The following PCDH15 variants were observed in gnomAD, a reference collection of about 807,000 sequenced individuals.
PCDH15 encodes protocadherin-15.
In PCDH15, 129 loss-of-function variants were observed where a neutral mutation model predicts 178.5. That is an observed-to-expected ratio of 0.72 (90% confidence interval 0.63 to 0.84). The LOEUF is 0.84. Ranked by LOEUF, PCDH15 falls within the 40% of genes least tolerant of loss-of-function variation. The pLI is 0.00. For synonymous variants in PCDH15, 800 were observed against 732.0 expected, an observed-to-expected ratio of 1.09 and a Z score of -1.50; for missense variants, 2,230 against 2,099.9, an observed-to-expected ratio of 1.06 and a Z score of -1.21.
intron 1 of PCDH15, among the ~76,000 whole-genome samples, chr10:55,306,714 G>A (rs1843434894): frequency 6.6e-6 from 1 of 152,190 alleles, no homozygotes; most frequent in Non-Finnish European, 1.5e-5. Context: ...GATTGCCACA[G>A]GGGCAGAGTA....
At chr10:55,448,520 T>A (rs1168598060) in intron 2 of PCDH15, among the ~76,000 whole-genome samples, 5 of 151,764 alleles carry the variant, frequency 3.3e-5, no homozygotes, top group Non-Finnish European at 7.4e-5. Context: ...AAAACACAAT[T>A]TTTTTCAGTA....
At chr10:54,864,343 A>C (rs1350853016) in intron 3 of PCDH15, among the ~76,000 whole-genome samples, 3 of 152,156 alleles carry the variant, frequency 2.0e-5, no homozygotes, top group African/African-American at 7.2e-5. Flanking sequence ...CTCTTTTTTC[A>C]TTATGTTTCA....
At chr10:53,998,357 A>C (rs1157663802) in intron 20 of PCDH15, among the ~76,000 whole-genome samples, 1 of 152,216 alleles carries the variant, frequency 6.6e-6, no homozygotes, top group African/African-American at 2.4e-5. Flanking sequence ...AACTTTAAAA[A>C]ATGGTTATAC....
intron 2 of PCDH15, among the ~76,000 whole-genome samples, chr10:54,593,456 T>C (rs1371792300): frequency 6.6e-6 from 1 of 152,168 alleles, no homozygotes; most frequent in Non-Finnish European, 1.5e-5. Context: ...GTATTCTTGG[T>C]GCCCTTATTG....
intron 3 of PCDH15, among the ~76,000 whole-genome samples, chr10:54,427,333 C>A (rs577459606): frequency 1.9e-3 from 220 of 116,536 alleles, no homozygotes; most frequent in Non-Finnish European, 3.0e-3. Context: ...GGCTGGAGTA[C>A]AATGGCATGA....
intron 2 of PCDH15, among the ~76,000 whole-genome samples, chr10:55,142,479 T>A (rs578165731): frequency 6.6e-6 from 1 of 151,646 alleles, no homozygotes; most frequent in South Asian, 2.1e-4. Context: ...TATGCACATA[T>A]AAGTTAAATA....
chr10:53,908,299 G>A (rs2082822254), intron 25 of PCDH15, among the ~76,000 whole-genome samples: 1 of 152,146 alleles, frequency 6.6e-6, no homozygotes, highest in African/African-American at 2.4e-5. Context: ...TTAGTGATGA[G>A]GCTGAGAAAC....
intron 3 of PCDH15, among the ~76,000 whole-genome samples, chr10:54,521,111 T>C (rs1410992490): frequency 6.6e-6 from 1 of 151,336 alleles, no homozygotes; most frequent in East Asian, 2.0e-4. Context: ...TACCTAATGC[T>C]AAATGATGAG....
chr10:53,847,359 G>T (rs944266098), intron 28 of PCDH15, among the ~76,000 whole-genome samples: 1 of 151,956 alleles, frequency 6.6e-6, no homozygotes, highest in African/African-American at 2.4e-5. Context: ...CACAAGCTTA[G>T]CTAAATTAAT....
At chr10:54,977,841 A>G (rs542760847) in intron 2 of PCDH15, among the ~76,000 whole-genome samples, 259 of 152,336 alleles carry the variant, frequency 1.7e-3, no homozygotes, top group Middle Eastern at 3.4e-3. Context: ...CATTGTATTT[A>G]TCATAAAGAT....
rs1441530743 is a variant in PCDH15 at position 54,622,643 on chromosome 10, TTA to T, written c.91+41527_91+41528del. The stretch of plus-strand genomic sequence containing the variant: ...AATATATATAATATATATTATATAA[TTA>T]TATATATACTATATAATATATATTA... On this transcript the variant is annotated intron_variant, in intron 2 of 37. Coordinates refer to ENST00000644397, the MANE Select transcript of PCDH15 (RefSeq NM_001384140.1). Among the ~76,000 whole-genome samples, 15 of 101,870 alleles carry T rather than the reference TTA, an allele frequency of 1.5e-4. 1 individual carries two copies. The highest frequency in any genetic ancestry group is 3.8e-4 in the African/African-American group (9 of 23,712). The allele number at this position is 101,870 out of a possible 152,430, so 66.8% of individuals were successfully genotyped here.
At chr10:53,849,402 T>TAATG (rs1019946325) in intron 28 of PCDH15, among the ~76,000 whole-genome samples, 7 of 152,098 alleles carry the variant, frequency 4.6e-5, no homozygotes, top group African/African-American at 1.7e-4. Flanking sequence ...AGAAATGTGT[T>TAATG]AATGAATGAA....
chr10:54,671,439 T>C (rs1178847810), intron 1 of PCDH15, among the ~76,000 whole-genome samples: 1 of 152,170 alleles, frequency 6.6e-6, no homozygotes, highest in African/African-American at 2.4e-5. Context: ...TTGTATAATG[T>C]AATATAATAA....
intron 5 of PCDH15, among the ~76,000 whole-genome samples, chr10:54,362,520 T>C (rs191114493): frequency 5.3e-5 from 8 of 152,218 alleles, no homozygotes; most frequent in African/African-American, 7.2e-5. Context: ...GCATTTTAAA[T>C]GTAAATTTAT....
At chr10:53,871,257 T>A (rs1240824032) in intron 26 of PCDH15, among the ~76,000 whole-genome samples, 3 of 151,482 alleles carry the variant, frequency 2.0e-5, no homozygotes, top group Non-Finnish European at 4.4e-5. Flanking sequence ...AGGAGAATGG[T>A]ATGAACCCGG....
At chr10:53,891,053 A>C (rs920753161) in intron 26 of PCDH15, among the ~76,000 whole-genome samples, 2 of 150,500 alleles carry the variant, frequency 1.3e-5, no homozygotes, top group Admixed American at 1.3e-4. Context: ...CATTTATAGA[A>C]GTATGAATAA....
Position 54,809,033 on chromosome 10 carries a change from A to G in PCDH15, c.-29+88417T>C, listed in dbSNP as rs1952823632. Among the ~76,000 whole-genome samples the G allele has an allele frequency of 3.3e-5, 5 of 152,138 alleles. No homozygotes were observed. In the South Asian group the frequency reaches 1.0e-3, roughly 32 times the overall value. The stretch of plus-strand genomic sequence containing the variant: ...AGTATTTTTCGTCCTGATCTTGACA[A>G]TAAAATCTGACCTGTGTGGCCATAG... On this transcript the variant is annotated intron_variant, in intron 3 of 5. Transcript: ENST00000458638.
intron 13 of PCDH15, among the ~76,000 whole-genome samples, chr10:54,156,054 C>T (rs527361285): frequency 1.3e-5 from 2 of 151,954 alleles, no homozygotes; most frequent in African/African-American, 2.4e-5. Context: ...CATGGGGAGG[C>T]CAATATTTTG....
intron 1 of PCDH15, among the ~76,000 whole-genome samples, chr10:54,794,048 T>A (rs1232541538): frequency 1.3e-5 from 2 of 148,202 alleles, no homozygotes; most frequent in Admixed American, 1.4e-4. Context: ...AAAATAATCA[T>A]GAATTCTAAG....
Sources: gnomAD v4.1 joint callset for allele counts (sites outside exome capture counted in the v4.1 genomes callset) on GRCh38, gnomAD v4.1.1 for gene constraint, MANE v1.5 for transcripts, NCBI Gene and HGNC (gene_info 2026-07-23, HGNC 2026-07-21) for gene names.